PTPN3: variants seen among roughly 807,000 people sequenced by gnomAD.
The protein encoded by PTPN3 is tyrosine-protein phosphatase non-receptor type 3.
A neutral mutation model predicts 132.7 loss-of-function variants in PTPN3; 96 were observed. The ratio of observed to expected loss-of-function variants is 0.72; its 90% CI spans 0.61 to 0.86. PTPN3 has a LOEUF of 0.86. Among genes scored for constraint, PTPN3 ranks in the 40% least tolerant of loss-of-function variants. The pLI is 0.00. For synonymous variants in PTPN3, 398 were observed against 429.0 expected (o/e 0.93, Z 0.89); for missense variants, 1,125 against 1,159.6 (o/e 0.97, Z 0.43).
chr9:109,499,965 CGGAGCCCCCGGAAGGA>C (rs1158441789), upstream of PTPN3, among the ~76,000 whole-genome samples: 1 of 152,200 alleles, frequency 6.6e-6, no homozygotes, highest in Non-Finnish European at 1.5e-5. Context: ...CGGGCGGGGC[CGGAGCCCCCGGAAGGA>C]GGAGCCCCCT....
At chr9:109,453,377 T>C (rs1441066440) in intron 5 of PTPN3, among the ~76,000 whole-genome samples, 1 of 152,144 alleles carries the variant, frequency 6.6e-6, no homozygotes, top group African/African-American at 2.4e-5. Context: ...ATAGCTTCCC[T>C]CCCTAAGAAA....
intron 1 of PTPN3, among the ~76,000 whole-genome samples, chr9:109,482,800 T>G (rs1325984085): frequency 6.6e-6 from 1 of 152,174 alleles, no homozygotes; most frequent in Non-Finnish European, 1.5e-5. Flanking sequence ...CCTCCTCCAC[T>G]TCCCAGATCT....
At chr9:109,486,344 T>C (rs1416818445) in intron 1 of PTPN3, among the ~76,000 whole-genome samples, 3 of 152,172 alleles carry the variant, frequency 2.0e-5, no homozygotes, top group Non-Finnish European at 1.5e-5. Context: ...GGAACGTTTT[T>C]CTGGTAGCTA....
At chr9:109,392,861 C>G (rs2131642777) in intron 19 of PTPN3, 1 of 152,324 alleles carries the variant, frequency 6.6e-6, no homozygotes, top group Middle Eastern at 3.4e-3. Flanking sequence ...GCCTGGACCT[C>G]CCAAAGTGCT....
chr9:109,508,783 A>G, the PTPN3 span, among the ~76,000 whole-genome samples: 2 of 152,166 alleles, frequency 1.3e-5, no homozygotes, highest in Non-Finnish European at 2.9e-5. Context: ...ATAAGGTATA[A>G]CTAATCTGTG....
At position 109,438,241 on chromosome 9, in the gene PTPN3, A is replaced by G; in HGVS notation, c.467-7T>C. ...TTATAGTCTCCAAAATGAGCTATCA[A>G]GACAGAAGAAGGGGAAAATCATAAT... On this transcript the variant is annotated splice_region_variant and splice_polypyrimidine_tract_variant and intron_variant, in intron 7 of 25. Transcript: ENST00000374541. The G allele has an allele frequency of 6.2e-7, 1 of 1,606,602 alleles. No homozygotes were observed. The highest frequency in any genetic ancestry group is 8.5e-7 in the Non-Finnish European group (1 of 1,177,668).
chr9:109,508,854 C>G, the PTPN3 span, among the ~76,000 whole-genome samples: 3 of 3,306 alleles, frequency 9.1e-4, no homozygotes, highest in Non-Finnish European at 1.8e-3. Context: ...GTCAGGATGT[C>G]CCCCCCCCAC....
Position 109,463,327 on chromosome 9 carries a change from T to C in PTPN3, c.108A>G (p.Leu36=). The change falls in exon 2 of 26, where the codon TTA becomes TTG. Residue 36 remains leucine, a synonymous_variant. Transcript: ENST00000374541. ...RSEVICSIHF[L]DGVVQTFKVT... ...CTTTAAAGGTCTGTACCACGCCATC[T>C]AAAAAGTGGATGCTGCAAATGACTT... 1 of 1,613,550 alleles carries C rather than the reference T, an allele frequency of 6.2e-7. No individual in the cohort carries two copies. The highest frequency in any genetic ancestry group is 1.1e-5 in the South Asian group (1 of 90,932).
rs528140536 is a variant in PTPN3 at position 109,419,670 on chromosome 9, T to A, written c.1313+754A>T. ...GGCAAATGAGGAAGAGAAGGTCCTA[T>A]ACAAGAAATCTGGGCTGAGGGAAGT... On this transcript the variant is annotated intron_variant, in intron 14 of 25. Coordinates refer to ENST00000374541, the MANE Select transcript of PTPN3 (RefSeq NM_002829.4). Among the ~76,000 whole-genome samples, 661 of 152,316 alleles carry A rather than the reference T, an allele frequency of 4.3e-3. 7 individuals are homozygous for A. Among genetic ancestry groups the A allele is most frequent in the African/African-American group, 0.015 (643 of 41,556 alleles).
intron 1 of PTPN3, among the ~76,000 whole-genome samples, chr9:109,490,465 T>C (rs1588508493): frequency 6.6e-6 from 1 of 151,758 alleles, no homozygotes; most frequent in Non-Finnish European, 1.5e-5. Flanking sequence ...TGGCTGGGCA[T>C]GGTGGCTCAC....
At chr9:109,533,764 G>A in the PTPN3 span, 123 of 1,351,928 alleles carry the variant, frequency 9.1e-5, 2 homozygotes, top group South Asian at 1.6e-3. Flanking sequence ...ACCTTCACCT[G>A]CTGTAGGGCC....
chr9:109,416,424 AGTTTTTT>A (rs1047394676), intron 14 of PTPN3, among the ~76,000 whole-genome samples: 26 of 150,762 alleles, frequency 1.7e-4, no homozygotes, highest in East Asian at 4.0e-4. Flanking sequence ...AATGAACAGA[AGTTTTTT>A]GTTTTTTGTT....
At position 109,433,921 on chromosome 9, in the gene PTPN3, A is replaced by ATT. The variant is rs1247537083; in HGVS notation, c.676-761_676-760insAA. 7.3e-3 allele frequency among the ~76,000 whole-genome samples: 1,058 copies of ATT among 144,792 alleles called. 74 individuals carry two copies. Among genetic ancestry groups the ATT allele is most frequent in the African/African-American group, 0.024 (916 of 38,752 alleles). 95.0% of individuals were successfully genotyped at this position (144,792 alleles called of 152,430 possible). A position where few individuals can be genotyped will look rare whatever the true frequency, so the allele number is the denominator to read the frequency against. On this transcript the variant is annotated intron_variant, in intron 9 of 25. Transcript: ENST00000374541. Reference sequence around the variant, plus strand: ...CAGCAGAGGGAGACTCTGTTTAAAAAAAAAAAAAAAAAAAAAAAAAAAGCG... The same window carrying ATT: ...CAGCAGAGGGAGACTCTGTTTAAAAATTAAAAAAAAAAAAAAAAAAAAAAGCG...
At chr9:109,380,658 A>C (rs1184717821) in intron 25 of PTPN3, among the ~76,000 whole-genome samples, 1 of 152,196 alleles carries the variant, frequency 6.6e-6, no homozygotes, top group Non-Finnish European at 1.5e-5. Context: ...CTAATAACAT[A>C]AGCTGATTTT....
chr9:109,445,127 CA>C, intron 7 of PTPN3, 112 bp downstream of exon 7: 1 of 1,070,358 alleles, frequency 9.3e-7, no homozygotes, highest in Non-Finnish European at 1.4e-6. Context: ...ATATGCTGCC[CA>C]GCAGGATTCC....
chr9:109,425,685 A>C (rs1316688888), intron 12 of PTPN3, among the ~76,000 whole-genome samples: 1 of 151,030 alleles, frequency 6.6e-6, no homozygotes, highest in African/African-American at 2.4e-5. Flanking sequence ...TGGGCGACAG[A>C]GTGAGACTTC....
At chr9:109,408,781 TAAAAAAAAAA>T (rs768982568) in intron 16 of PTPN3, among the ~76,000 whole-genome samples, 1 of 62,152 alleles carries the variant, frequency 1.6e-5, no homozygotes, top group African/African-American at 4.7e-5. Context: ...TTATAATAAT[TAAAAAAAAAA>T]AAAAAATATA....
chr9:109,512,333 T>C, the PTPN3 span, among the ~76,000 whole-genome samples: 1 of 152,150 alleles, frequency 6.6e-6, no homozygotes, highest in Non-Finnish European at 1.5e-5. Context: ...GGTCCACAGA[T>C]TGGAGGGCAT....
intron 14 of PTPN3, among the ~76,000 whole-genome samples, chr9:109,416,844 G>A (rs1842542781): frequency 6.6e-6 from 1 of 152,178 alleles, no homozygotes; most frequent in Non-Finnish European, 1.5e-5. Context: ...AAGTTATGCA[G>A]GCATGAAGCC....
Sources: gnomAD v4.1 joint callset for allele counts (sites outside exome capture counted in the v4.1 genomes callset) on GRCh38, gnomAD v4.1.1 for gene constraint, MANE v1.5 for transcripts, NCBI Gene and HGNC (gene_info 2026-07-23, HGNC 2026-07-21) for gene names.